The following ARL3 variants were observed in gnomAD, a reference collection of about 807,000 sequenced individuals.
ARL3 encodes the protein ARF like GTPase 3, also known as ADP-ribosylation factor-like protein 3.
ARL3 carries 9 observed loss-of-function variants against 26.0 expected under a neutral mutation model. The observed-to-expected ratio is 0.35, with a 90% CI of 0.21 to 0.60. The LOEUF (loss-of-function observed/expected upper bound fraction) is 0.60, where lower values mean the gene tolerates loss of function less well. Among genes scored for constraint, ARL3 ranks in the 20% least tolerant of loss-of-function variants. The pLI is 0.78. For missense variants in ARL3, 158 were observed against 215.7 expected (o/e 0.73, Z 1.67); for synonymous variants, 71 against 78.4 (o/e 0.91, Z 0.50).
intron 3 of ARL3, among the ~76,000 whole-genome samples, chr10:102,693,360 AG>A (rs1173113630): frequency 6.6e-6 from 1 of 151,676 alleles, no homozygotes; most frequent in African/African-American, 2.4e-5. Flanking sequence ...TGGTATTGTC[AG>A]TTTTTTTTTT....
chr10:102,694,088 C>T (rs573786880), intron 3 of ARL3, among the ~76,000 whole-genome samples: 12 of 152,006 alleles, frequency 7.9e-5, no homozygotes, highest in Non-Finnish European at 8.8e-5. Context: ...CCCACGTTCA[C>T]GCCATTCTCC....
chr10:102,700,770 CT>C (rs34708600), intron 2 of ARL3, among the ~76,000 whole-genome samples: 21,284 of 97,596 alleles, frequency 0.22, 1,709 homozygotes, highest in Admixed American at 0.27. Flanking sequence ...AGCCGGAAGT[CT>C]TTTTTTTTTT....
Position 102,705,577 on chromosome 10 carries a change from G to C in ARL3, c.4-88C>G, listed in dbSNP as rs2064305664. 14 of 1,291,740 alleles carry C rather than the reference G, an allele frequency of 1.1e-5. No homozygotes were observed. The East Asian group carries it at 3.6e-4, about 34-fold the overall frequency. The allele number at this position is 1,291,740 out of a possible 1,614,324, so 80.0% of individuals were successfully genotyped here. A position where few individuals can be genotyped will look rare whatever the true frequency, so the allele number is the denominator to read the frequency against. The stretch of plus-strand genomic sequence containing the variant: ...TGAGAATAACTTCTCCTTGAAAAAA[G>C]TTATTGGTTATGGAGAGCTTATGTT... On this transcript the variant is annotated intron_variant, in intron 1 of 5. Coordinates refer to ENST00000260746, the MANE Select transcript of ARL3 (RefSeq NM_004311.4).
intron 2 of ARL3, among the ~76,000 whole-genome samples, chr10:102,700,046 T>C (rs1365359580): frequency 6.6e-6 from 1 of 152,126 alleles, no homozygotes; most frequent in Non-Finnish European, 1.5e-5. Context: ...GTAACTCGAA[T>C]ATATCAGCCC....
rs2064132868 is a variant in ARL3 at position 102,676,789 on chromosome 10, G to A, written c.*105C>T. ...GTTGTTCCCTCTCTTCAAACAGCTGGAGCTGTACACAGATGGAAAAACATT... is the reference window on the plus strand; with the variant it reads ...GTTGTTCCCTCTCTTCAAACAGCTGAAGCTGTACACAGATGGAAAAACATT... On this transcript the variant is annotated 3_prime_UTR_variant, in exon 6 of 6. Coordinates refer to ENST00000260746, the MANE Select transcript of ARL3 (RefSeq NM_004311.4). The A allele has an allele frequency of 8.4e-7, 1 of 1,190,300 alleles. No individual in the cohort carries two copies. The highest frequency in any genetic ancestry group is 1.3e-5 in the South Asian group (1 of 78,046). The allele number at this position is 1,190,300 out of a possible 1,614,324, so 73.7% of individuals were successfully genotyped here.
intron 3 of ARL3, among the ~76,000 whole-genome samples, chr10:102,690,674 GA>G (rs1208748669): frequency 1.3e-5 from 2 of 152,032 alleles, no homozygotes; most frequent in Non-Finnish European, 2.9e-5. Flanking sequence ...AATATATCTT[GA>G]AAAGACATTT....
In ARL3 at chr10:102,714,382, A is replaced by C. The variant is rs559825140; in HGVS notation, c.-107T>G. 24 of 1,165,874 alleles carry C rather than the reference A, an allele frequency of 2.1e-5. No individual in the cohort carries two copies. The highest frequency in any genetic ancestry group is 2.6e-4 in the Middle Eastern group (1 of 3,844). The allele number at this position is 1,165,874 out of a possible 1,614,324, so 72.2% of individuals were successfully genotyped here. On this transcript the variant is annotated 5_prime_UTR_variant, in exon 1 of 6. Transcript: ENST00000260746. ...ACGTCCCTCGCACGCACAGCTGAGG[A>C]GCTGAGCAGCAATACGGGGCGGGGT...
chr10:102,703,512 C>T (rs867087561), intron 2 of ARL3, among the ~76,000 whole-genome samples: 12 of 136,574 alleles, frequency 8.8e-5, no homozygotes, highest in Admixed American at 4.9e-4. Context: ...GGCATGATCT[C>T]GGCTCACTGC....
At chr10:102,686,919 A>G (rs1467747484) in intron 4 of ARL3, among the ~76,000 whole-genome samples, 2 of 114,252 alleles carry the variant, frequency 1.8e-5, no homozygotes, top group Non-Finnish European at 3.3e-5. Context: ...TCTGTTGCCC[A>G]GGCTGGAGTG....
At chr10:102,702,183 C>T (rs2064283448) in intron 2 of ARL3, among the ~76,000 whole-genome samples, 1 of 151,972 alleles carries the variant, frequency 6.6e-6, no homozygotes, top group Non-Finnish European at 1.5e-5. Context: ...CAGAGTGAAA[C>T]CCCGTCTCTA....
chr10:102,687,066 C>T (rs1421671589), intron 4 of ARL3, among the ~76,000 whole-genome samples: 7 of 150,056 alleles, frequency 4.7e-5, no homozygotes, highest in East Asian at 2.0e-4. Flanking sequence ...TTAGTAGAGA[C>T]GGGGTTTCAC....
chr10:102,687,194 T>G (rs923165362), intron 4 of ARL3, among the ~76,000 whole-genome samples: 1 of 151,570 alleles, frequency 6.6e-6, no homozygotes, highest in African/African-American at 2.4e-5. Flanking sequence ...ATCCACATTT[T>G]TAGCAAACTC....
chr10:102,705,957 G>T (rs2064308934), intron 1 of ARL3, among the ~76,000 whole-genome samples: 1 of 152,012 alleles, frequency 6.6e-6, no homozygotes, highest in Non-Finnish European at 1.5e-5. Flanking sequence ...TAAATAGGAT[G>T]ACACACCCAA....
At position 102,685,806 on chromosome 10, in the gene ARL3, G is replaced by A. The variant is rs971998360; in HGVS notation, c.501+10C>T. 1 of 1,593,028 alleles carries A rather than the reference G, an allele frequency of 6.3e-7. No individual in the cohort carries two copies. The highest frequency in any genetic ancestry group is 1.1e-5 in the South Asian group (1 of 88,302). Reference sequence around the variant, plus strand: ...TGTTGCCAGGTGGCCAAGCCTTCCTGTAATCTCACCTGAACGCCCTCTCCT... The same window carrying A: ...TGTTGCCAGGTGGCCAAGCCTTCCTATAATCTCACCTGAACGCCCTCTCCT... On this transcript the variant is annotated intron_variant, in intron 5 of 5. Coordinates refer to ENST00000260746, the MANE Select transcript of ARL3 (RefSeq NM_004311.4).
At chr10:102,677,547 A>T (rs980113253) in intron 5 of ARL3, among the ~76,000 whole-genome samples, 1 of 152,170 alleles carries the variant, frequency 6.6e-6, no homozygotes, top group Admixed American at 6.5e-5. Context: ...GGGACTGGGG[A>T]GAAGGTTCCC....
intron 4 of ARL3, among the ~76,000 whole-genome samples, chr10:102,688,919 G>A (rs886276929): frequency 1.3e-4 from 20 of 152,188 alleles, no homozygotes; most frequent in African/African-American, 4.6e-4. Flanking sequence ...CTCTGGGTTC[G>A]TTTTCACATG....
chr10:102,674,718 A>T lies in ARL3; in HGVS notation c.*2176T>A, dbSNP rs1590116580. ...ACTCTGCCTTTTTCAGGCTTCTCTC[A>T]TCTACCCCAGAGCCCCAGGAGGGTT... is the stretch of plus-strand genomic sequence containing the variant. On this transcript the variant is annotated 3_prime_UTR_variant, in exon 6 of 6. Transcript: ENST00000260746. The T allele has an allele frequency of 2.0e-5, 3 of 152,334 alleles. No homozygotes were observed. In the East Asian group the frequency reaches 5.8e-4, roughly 29 times the overall value. 9.4% of individuals were successfully genotyped at this position (152,334 alleles called of 1,614,324 possible).
At chr10:102,711,473 C>A (rs2064340105) in intron 1 of ARL3, among the ~76,000 whole-genome samples, 1 of 151,874 alleles carries the variant, frequency 6.6e-6, no homozygotes, top group Non-Finnish European at 1.5e-5. Flanking sequence ...AGGAACAGGC[C>A]GGGCGCGGTG....
chr10:102,682,337 T>G (rs1483975939), intron 5 of ARL3, among the ~76,000 whole-genome samples: 7 of 152,156 alleles, frequency 4.6e-5, no homozygotes, highest in Non-Finnish European at 1.0e-4. Flanking sequence ...AAACCTGCTT[T>G]AATCATACAA....
Sources: allele counts gnomAD v4.1 joint callset (sites outside exome capture counted in the v4.1 genomes callset), GRCh38; gene constraint gnomAD v4.1.1; transcripts MANE v1.5; gene names NCBI Gene and HGNC (gene_info 2026-07-23, HGNC 2026-07-21).